Variants in PLEKHA5 observed in about 807,000 individuals in gnomAD.
PLEKHA5 encodes the protein pleckstrin homology domain-containing family A member 5.
Under a neutral mutation model 181.9 loss-of-function variants are expected in PLEKHA5, and 55 were observed. The observed-to-expected ratio is 0.30, with a 90% CI of 0.24 to 0.38. PLEKHA5 has a LOEUF of 0.38. Ranked by LOEUF, PLEKHA5 falls within the 10% of genes least tolerant of loss-of-function variation. PLEKHA5 has a pLI of 1.00. For synonymous variants in PLEKHA5, 535 were observed against 529.4 expected (o/e 1.01, Z -0.15); for missense variants, 1,432 against 1,549.5 (o/e 0.92, Z 1.27).
chr12:19,359,123 C>G (rs1039785620), intron 27 of PLEKHA5, among the ~76,000 whole-genome samples: 1 of 152,172 alleles, frequency 6.6e-6, no homozygotes, highest in African/African-American at 2.4e-5. Flanking sequence ...AATATCCCCT[C>G]TTTCCACCGA....
chr12:19,318,731 T>C (rs529764133), intron 16 of PLEKHA5, among the ~76,000 whole-genome samples: 1 of 152,290 alleles, frequency 6.6e-6, no homozygotes, highest in South Asian at 2.1e-4. Context: ...CAGACCAGCC[T>C]GGCCAACATG....
chr12:19,331,898 A>G (rs1345520702), intron 20 of PLEKHA5, among the ~76,000 whole-genome samples: 1 of 152,042 alleles, frequency 6.6e-6, no homozygotes, highest in African/African-American at 2.4e-5. Context: ...GGTGGTGTGC[A>G]CCTGTACTAC....
Position 19,283,294 on chromosome 12 carries a change from A to T in PLEKHA5, c.1328A>T (p.Gln443Leu). ...TTTTATTTTAGAGTAATTTCTTACC[A>T]AACATTACCAAGAAATATGCCAAGT... Reference protein sequence around the residue: ...EEETRGVISYQTLPRNMPSHR... With the variant: ...EEETRGVISYLTLPRNMPSHR... Residue 443 changes from glutamine (Q) to leucine (L), a missense_variant, in exon 12 of 32, where the codon CAA (glutamine) becomes CTA (leucine). Coordinates refer to ENST00000429027, the MANE Select transcript of PLEKHA5 (RefSeq NM_001256470.2). The T allele has an allele frequency of 1.2e-6, 2 of 1,603,378 alleles. No individual in the cohort carries two copies.
intron 3 of PLEKHA5, chr12:19,200,614 A>T: frequency 1.2e-5 from 14 of 1,134,750 alleles, no homozygotes; most frequent in Non-Finnish European, 1.5e-5. Context: ...CCTGAACTTC[A>T]TTAGCTTTTT....
At chr12:19,373,004 G>A (rs1022231261) in intron 31 of PLEKHA5, 1 of 152,178 alleles carries the variant, frequency 6.6e-6, no homozygotes, top group African/African-American at 2.4e-5. Flanking sequence ...CTGAGCTCAA[G>A]CGCTCTGCCC....
Position 19,332,231 on chromosome 12 carries a change from G to A in PLEKHA5, c.2449-4284G>A, listed in dbSNP as rs1256792062. On this transcript the variant is annotated intron_variant, in intron 20 of 31. Coordinates refer to ENST00000429027, the MANE Select transcript of PLEKHA5 (RefSeq NM_001256470.2). ...CAAGGCTGCAGTGAATTATGATCAT[G>A]CCACTGCCTTCTAGCCTGGGCAGCA... 2.0e-5 allele frequency among the ~76,000 whole-genome samples: 3 copies of A among 152,248 alleles called. No homozygotes were observed. The East Asian group carries it at 5.8e-4, about 29-fold the overall frequency.
rs371918828 is a variant in PLEKHA5 at position 19,370,337 on chromosome 12, A to G, written c.*11+539A>G. 1.3e-3 allele frequency among the ~76,000 whole-genome samples: 191 copies of G among 152,366 alleles called. 1 individual carries two copies. The South Asian group carries it at 0.038, about 31-fold the overall frequency. ...AGTCAGGGAGGTAATTACTAAAACCATGGATGGTATCAGGGAGAAGAAGGA... is the reference window on the plus strand; with the variant it reads ...AGTCAGGGAGGTAATTACTAAAACCGTGGATGGTATCAGGGAGAAGAAGGA... On this transcript the variant is annotated intron_variant, in intron 31 of 31. Coordinates refer to ENST00000429027, the MANE Select transcript of PLEKHA5 (RefSeq NM_001256470.2).
chr12:19,373,849 G>A (rs771369869), intron 31 of PLEKHA5, among the ~76,000 whole-genome samples: 5 of 152,152 alleles, frequency 3.3e-5, no homozygotes, highest in East Asian at 3.8e-4. Flanking sequence ...GATTATGACT[G>A]TACACATATC....
intron 10 of PLEKHA5, among the ~76,000 whole-genome samples, chr12:19,272,334 G>A (rs574849129): frequency 1.3e-5 from 2 of 151,928 alleles, no homozygotes; most frequent in African/African-American, 2.4e-5. Context: ...ACTTTTCTGA[G>A]TCAGCTTTGT....
intron 3 of PLEKHA5, among the ~76,000 whole-genome samples, chr12:19,185,544 G>T (rs983520156): frequency 3.3e-5 from 5 of 152,150 alleles, no homozygotes; most frequent in Non-Finnish European, 7.4e-5. Context: ...AACGGAGACA[G>T]ATAGATACAC....
rs35536570 is a variant in PLEKHA5, at chr12:19,253,064, CTTTTTTTTTTTT to C, written c.228-861_228-850del. ...GAGCTAAACAGCCAAATCAACTTACCTTTTTTTTTTTTTTTTTTTTTTTTTTGGGAGACAGAG... is the reference window on the plus strand; with the variant it reads ...GAGCTAAACAGCCAAATCAACTTACCTTTTTTTTTTTTTTGGGAGACAGAG... On this transcript the variant is annotated intron_variant, in intron 3 of 31. Transcript: ENST00000429027. 1.7e-4 allele frequency among the ~76,000 whole-genome samples: 8 copies of C among 45,834 alleles called. 1 individual carries two copies. Among genetic ancestry groups the C allele is most frequent in the East Asian group, 5.6e-4 (1 of 1,796 alleles). 30.1% of individuals were successfully genotyped at this position (45,834 alleles called of 152,430 possible).
At chr12:19,278,516 C>G (rs2075214229) in intron 11 of PLEKHA5, among the ~76,000 whole-genome samples, 1 of 152,106 alleles carries the variant, frequency 6.6e-6, no homozygotes, top group Non-Finnish European at 1.5e-5. Flanking sequence ...TGTAGTATTT[C>G]TTCAATTTAT....
At chr12:19,153,165 T>C (rs2040856782) in intron 3 of PLEKHA5, 2 of 152,186 alleles carry the variant, frequency 1.3e-5, no homozygotes, top group Non-Finnish European at 2.9e-5. Flanking sequence ...CTAAGAATGA[T>C]ATCTGATGAA....
intron 16 of PLEKHA5, among the ~76,000 whole-genome samples, chr12:19,316,110 G>A (rs983038520): frequency 2.6e-5 from 4 of 151,070 alleles, no homozygotes; most frequent in East Asian, 1.9e-4. Context: ...GTATTATTCC[G>A]AATAAGTATT....
At chr12:19,234,201 C>G (rs1004465388) in intron 3 of PLEKHA5, among the ~76,000 whole-genome samples, 4 of 152,210 alleles carry the variant, frequency 2.6e-5, no homozygotes, top group African/African-American at 7.2e-5. Context: ...TTGAAACAGT[C>G]AGGTCAGCTG....
At chr12:19,186,390 TC>T (rs1472822086) in intron 3 of PLEKHA5, among the ~76,000 whole-genome samples, 5 of 152,328 alleles carry the variant, frequency 3.3e-5, no homozygotes, top group Non-Finnish European at 7.3e-5. Flanking sequence ...GGTGATTGTT[TC>T]TTTCTGGTCA....
At chr12:19,199,845 G>A (rs1322807794) in intron 3 of PLEKHA5, among the ~76,000 whole-genome samples, 2 of 152,070 alleles carry the variant, frequency 1.3e-5, no homozygotes, top group Non-Finnish European at 2.9e-5. Context: ...GTCTTTTGCA[G>A]CAACATGGAT....
In PLEKHA5 at chr12:19,343,423, C is replaced by T. The variant is rs1454362206; in HGVS notation, c.2651C>T (p.Thr884Ile). 2 of 1,588,028 alleles carry T rather than the reference C, an allele frequency of 1.3e-6. No homozygotes were observed. The highest frequency in any genetic ancestry group is 2.7e-5 in the African/African-American group (2 of 74,388). ...GLSKHKQQRG[T>I]TEIGMIGSKP... ...AGTAAACATAAGCAGCAAAGAGGTA[C>T]TACAGAAATAGGTAAATTAGCTTTG... is the stretch of plus-strand genomic sequence containing the variant. Residue 884 changes from threonine to isoleucine, a missense_variant, in exon 22 of 32, where the codon ACT (threonine) becomes ATT (isoleucine). By Grantham distance (89) the Thr-to-Ile change is moderately conservative. Transcript: ENST00000429027.
At chr12:19,335,828 C>T (rs2093382007) in intron 20 of PLEKHA5, among the ~76,000 whole-genome samples, 1 of 152,046 alleles carries the variant, frequency 6.6e-6, no homozygotes, top group Non-Finnish European at 1.5e-5. Context: ...GACAGGGTTT[C>T]ACCATGTTGG....
Sources: allele counts gnomAD v4.1 joint callset (sites outside exome capture counted in the v4.1 genomes callset), GRCh38; gene constraint gnomAD v4.1.1; transcripts MANE v1.5; gene names NCBI Gene and HGNC (gene_info 2026-07-23, HGNC 2026-07-21).